The following COL28A1 variants were observed in gnomAD, a reference collection of about 807,000 sequenced individuals.
COL28A1 encodes the protein collagen alpha-1(XXVIII) chain.
Under a neutral mutation model 150.2 loss-of-function variants are expected in COL28A1, and 161 were observed. The ratio of observed to expected loss-of-function variants is 1.07; its 90% CI spans 0.94 to 1.22. The LOEUF (loss-of-function observed/expected upper bound fraction) is 1.22. COL28A1 is among the 50% of genes most tolerant of loss of function. COL28A1 has a pLI of 0.00. For missense variants in COL28A1, 1,617 were observed against 1,388.3 expected (o/e 1.16, Z -2.62); for synonymous variants, 552 against 469.7 (o/e 1.18, Z -2.26).
At chr7:7,359,566 G>A (rs1306498401) in intron 34 of COL28A1, among the ~76,000 whole-genome samples, 1 of 152,068 alleles carries the variant, frequency 6.6e-6, no homozygotes, top group Non-Finnish European at 1.5e-5. Context: ...CCTACTTCAG[G>A]AAGTGATGCC....
intron 15 of COL28A1, among the ~76,000 whole-genome samples, chr7:7,457,616 G>C (rs1176650515): frequency 1.3e-5 from 2 of 152,136 alleles, no homozygotes; most frequent in Non-Finnish European, 2.9e-5. Flanking sequence ...CCATAATTGA[G>C]TGAATTTGCC....
At chr7:7,488,614 C>G (rs1437621120) in intron 13 of COL28A1, among the ~76,000 whole-genome samples, 3 of 152,182 alleles carry the variant, frequency 2.0e-5, no homozygotes, top group African/African-American at 4.8e-5. Flanking sequence ...TCTTCTCCAA[C>G]AACAGTAAAC....
intron 13 of COL28A1, among the ~76,000 whole-genome samples, chr7:7,477,674 A>G (rs1398324584): frequency 6.6e-6 from 1 of 152,208 alleles, no homozygotes; most frequent in Non-Finnish European, 1.5e-5. Context: ...AGACCTTCGC[A>G]GTGAATGTTA....
intron 15 of COL28A1, among the ~76,000 whole-genome samples, chr7:7,460,229 T>C (rs550057381): frequency 7.2e-5 from 11 of 152,336 alleles, no homozygotes; most frequent in African/African-American, 2.4e-4. Flanking sequence ...TTGCTAAAAC[T>C]CTGGATGGAT....
intron 11 of COL28A1, among the ~76,000 whole-genome samples, chr7:7,497,026 A>C (rs1357617137): frequency 7.1e-6 from 1 of 140,574 alleles, no homozygotes; most frequent in Admixed American, 7.0e-5. Context: ...TTTTGGAAAG[A>C]GAGGAAGGAA....
Position 7,358,592 on chromosome 7 carries a change from G to C in COL28A1, c.*41C>G. On this transcript the variant is annotated 3_prime_UTR_variant, in exon 35 of 35. Transcript: ENST00000399429. ...TATTGGGTGAATATGTGGAAATTAGGGAGTTCTATGCTTTTGATAGAGACA... is the reference window on the plus strand; with the variant it reads ...TATTGGGTGAATATGTGGAAATTAGCGAGTTCTATGCTTTTGATAGAGACA... 6.3e-7 allele frequency: 1 copy of C among 1,576,832 alleles called. No homozygotes were observed. The highest frequency in any genetic ancestry group is 8.7e-7 in the Non-Finnish European group (1 of 1,149,890).
At chr7:7,430,244 G>A (rs184465128) in intron 25 of COL28A1, among the ~76,000 whole-genome samples, 136 of 151,942 alleles carry the variant, frequency 9.0e-4, no homozygotes, top group Admixed American at 1.8e-3. Context: ...CTCCTGCCTC[G>A]GCCTCCTGAG....
chr7:7,436,473 T>G lies in COL28A1; in HGVS notation c.1792-10A>C, dbSNP rs1182409814. On this transcript the variant is annotated splice_polypyrimidine_tract_variant and intron_variant, in intron 22 of 34. Coordinates refer to ENST00000399429, the MANE Select transcript of COL28A1 (RefSeq NM_001037763.3). Reference sequence around the variant, plus strand: ...GTCCTCCTCTATCTCCCTGTACATTTCAAATAACATTTCACAGGCTACAGT... The same window carrying G: ...GTCCTCCTCTATCTCCCTGTACATTGCAAATAACATTTCACAGGCTACAGT... 1.6e-6 allele frequency: 2 copies of G among 1,218,476 alleles called. No homozygotes were observed. Among genetic ancestry groups the G allele is most frequent in the Non-Finnish European group, 2.4e-6 (2 of 819,008 alleles). 75.5% of individuals were successfully genotyped at this position (1,218,476 alleles called of 1,614,324 possible). A position where few individuals can be genotyped will look rare whatever the true frequency, so the allele number is the denominator to read the frequency against.
chr7:7,341,633 T>C, the COL28A1 span, among the ~76,000 whole-genome samples: 17 of 152,098 alleles, frequency 1.1e-4, no homozygotes, highest in African/African-American at 3.9e-4. Flanking sequence ...AAACTATCCT[T>C]TTAAGCACTC....
intron 33 of COL28A1, among the ~76,000 whole-genome samples, chr7:7,362,237 T>G (rs1226799175): frequency 1.7e-5 from 2 of 118,476 alleles, no homozygotes; most frequent in Non-Finnish European, 3.5e-5. Context: ...AAATCTTTTA[T>G]GGGAATAATT....
At chr7:7,432,821 G>T in intron 23 of COL28A1, 121 bp from the exon 24 acceptor site, 1 of 723,804 alleles carries the variant, frequency 1.4e-6, no homozygotes, top group Non-Finnish European at 2.4e-6. Context: ...GTTAGAAAAT[G>T]ACTTATTGCT....
intron 15 of COL28A1, among the ~76,000 whole-genome samples, chr7:7,457,811 T>C (rs1347693577): frequency 1.3e-5 from 2 of 152,120 alleles, no homozygotes; most frequent in African/African-American, 4.8e-5. Context: ...CAGGGCAAAT[T>C]AGTTGATGAC....
chr7:7,437,055 C>A (rs747301165), intron 22 of COL28A1, among the ~76,000 whole-genome samples: 8 of 152,070 alleles, frequency 5.3e-5, no homozygotes, highest in Non-Finnish European at 8.8e-5. Flanking sequence ...ACCAGTCAAC[C>A]AACCTGAGTG....
At chr7:7,434,355 A>C (rs1291986865) in intron 23 of COL28A1, among the ~76,000 whole-genome samples, 2 of 152,150 alleles carry the variant, frequency 1.3e-5, no homozygotes, top group African/African-American at 2.4e-5. Context: ...TTTTTATGCT[A>C]TTCCAGTTAC....
intron 14 of COL28A1, 79 bp downstream of exon 14, chr7:7,477,033 C>G (rs765887912): frequency 8.8e-6 from 7 of 798,068 alleles, no homozygotes; most frequent in Admixed American, 1.9e-5. Flanking sequence ...TAAAAATTGG[C>G]TAGGACACAT....
chr7:7,338,742 T>C, the COL28A1 span, among the ~76,000 whole-genome samples: 1 of 152,108 alleles, frequency 6.6e-6, no homozygotes, highest in Non-Finnish European at 1.5e-5. Flanking sequence ...CTTATGTGCT[T>C]TACAGTGAGA....
intron 33 of COL28A1, 139 bp downstream of exon 33, chr7:7,370,586 T>C: frequency 1.9e-6 from 1 of 527,494 alleles, no homozygotes; most frequent in Non-Finnish European, 3.2e-6. Flanking sequence ...AGAGTCAAGA[T>C]ACTAACATTT....
At chr7:7,340,756 C>T in the COL28A1 span, among the ~76,000 whole-genome samples, 6 of 152,036 alleles carry the variant, frequency 3.9e-5, no homozygotes, top group Non-Finnish European at 8.8e-5. Flanking sequence ...GACATACAGA[C>T]GACATATCCT....
At chr7:7,482,979 T>C (rs757475878) in intron 13 of COL28A1, among the ~76,000 whole-genome samples, 2 of 152,212 alleles carry the variant, frequency 1.3e-5, no homozygotes, top group Admixed American at 6.5e-5. Context: ...GCAAAGACTT[T>C]GGCTCACGCA....
Sources: gnomAD v4.1 joint callset for allele counts (sites outside exome capture counted in the v4.1 genomes callset) on GRCh38, gnomAD v4.1.1 for gene constraint, MANE v1.5 for transcripts, NCBI Gene and HGNC (gene_info 2026-07-23, HGNC 2026-07-21) for gene names.